Variants in BUB1 observed in about 807,000 individuals in gnomAD.
BUB1 encodes BUB1 mitotic checkpoint serine/threonine kinase.
BUB1 carries 84 observed loss-of-function variants against 135.2 expected under a neutral mutation model. The observed-to-expected ratio is 0.62, with a 90% CI of 0.52 to 0.74. The LOEUF is 0.74. BUB1 is among the 30% of genes least tolerant of loss of function. The pLI, the probability that BUB1 is intolerant of heterozygous loss-of-function variation, is 0.00. For synonymous variants in BUB1, 403 were observed against 434.4 expected (o/e 0.93, Z 0.90); for missense variants, 1,162 against 1,288.3 (o/e 0.90, Z 1.50).
chr2:110,661,719 A>C lies in BUB1; in HGVS notation c.1080T>G (p.Pro360=), dbSNP rs1260039107. The change falls in exon 10 of 25, where the codon CCT becomes CCG. Residue 360 remains proline, a synonymous_variant. Coordinates refer to ENST00000302759, the MANE Select transcript of BUB1 (RefSeq NM_004336.5). ...TAGCATTTGCCAAAGGAGGAACAAC[A>C]GGAGGTGCCTCTCTTGGGTTCTTTT... ...NMEKNPREAP[P]VVPPLANAIS... is the part of the protein sequence containing the mutation. The C allele has an allele frequency of 5.0e-6, 8 of 1,614,116 alleles. No individual in the cohort carries two copies. The South Asian group carries it at 8.8e-5, about 18-fold the overall frequency.
intron 18 of BUB1, 120 bp from the exon 19 acceptor site, chr2:110,649,497 A>T (rs921586760): frequency 4.2e-6 from 4 of 949,824 alleles, no homozygotes; most frequent in Non-Finnish European, 4.5e-6. Context: ...TCAAAGCCTT[A>T]TAAGAGTATT....
At chr2:110,668,854 T>C (rs1277848182) in intron 6 of BUB1, among the ~76,000 whole-genome samples, 1 of 152,164 alleles carries the variant, frequency 6.6e-6, no homozygotes, top group Non-Finnish European at 1.5e-5. Flanking sequence ...TTGAAGTTCC[T>C]GAGAGAGAGG....
rs773682232 is a variant in BUB1 at position 110,641,803 on chromosome 2, C to T, written c.2464G>A (p.Val822Ile). 1.9e-6 allele frequency: 3 copies of T among 1,602,128 alleles called. No individual in the cohort carries two copies. The highest frequency in any genetic ancestry group is 2.2e-5 in the South Asian group (2 of 90,410). Reference protein sequence around the residue: ...AKNKQKFVLKVQKPANPWEFY... With the variant: ...AKNKQKFVLKIQKPANPWEFY... ...TCCCAGGGGTTGGCAGGCTTTTGGA[C>T]CTGCAAATCAGGTATGTGAAATTCA... The change falls in exon 21 of 25, where the codon GTC becomes ATC. Residue 822 changes from valine to isoleucine, a missense_variant and splice_region_variant. By Grantham distance (29) the Val-to-Ile change is conservative. Coordinates refer to ENST00000302759, the MANE Select transcript of BUB1 (RefSeq NM_004336.5).
chr2:110,639,849 C>G lies in BUB1; in HGVS notation c.2956-1G>C. 6.2e-7 allele frequency: 1 copy of G among 1,609,764 alleles called. No individual in the cohort carries two copies. The highest frequency in any genetic ancestry group is 2.2e-5 in the East Asian group (1 of 44,862). On this transcript the variant is annotated splice_acceptor_variant, in intron 23 of 24. Transcript: ENST00000302759. LOFTEE classifies it high-confidence loss of function. The stretch of plus-strand genomic sequence containing the variant: ...TTGCAGCAACCCCAAAGTAATCGAT[C>G]TATGAAGAAGATAGAGGTATATATG...
At chr2:110,647,433 CTT>C (rs1488573383) in intron 19 of BUB1, among the ~76,000 whole-genome samples, 1 of 152,040 alleles carries the variant, frequency 6.6e-6, no homozygotes, top group East Asian at 1.9e-4. Flanking sequence ...TAGTTCAACA[CTT>C]AATTAATTAA....
At chr2:110,642,376 G>T in intron 19 of BUB1, 142 bp from the exon 20 acceptor site, 1 of 503,046 alleles carries the variant, frequency 2.0e-6, no homozygotes, top group Non-Finnish European at 3.6e-6. Flanking sequence ...ACATAACCAT[G>T]GTATATTTGT....
At chr2:110,652,206 C>T (rs1466403432) in intron 17 of BUB1, among the ~76,000 whole-genome samples, 3 of 152,080 alleles carry the variant, frequency 2.0e-5, no homozygotes, top group Non-Finnish European at 4.4e-5. Flanking sequence ...ATTTACAGAA[C>T]GCAGAGTGAT....
At chr2:110,672,914 G>C (rs1690462622) in intron 3 of BUB1, 57 bp from the exon 4 acceptor site, 2 of 1,466,288 alleles carry the variant, frequency 1.4e-6, no homozygotes, top group African/African-American at 1.4e-5. Context: ...GTCTATGTCT[G>C]GTGAGGAGTT....
At chr2:110,664,574 CCTT>C (rs1425610779) in intron 9 of BUB1, among the ~76,000 whole-genome samples, 2 of 144,754 alleles carry the variant, frequency 1.4e-5, no homozygotes, top group African/African-American at 5.2e-5. Context: ...GCTGCTGTTG[CCTT>C]TTTTTTTTTT....
intron 6 of BUB1, 34 bp from the exon 7 acceptor site, chr2:110,667,883 TATCTG>T (rs1405546266): frequency 2.5e-6 from 4 of 1,598,726 alleles, no homozygotes; most frequent in Non-Finnish European, 3.4e-6. Context: ...AGCATTCACT[TATCTG>T]AGAAGAAAGC....
chr2:110,669,935 G>A (rs1690371053), intron 5 of BUB1, among the ~76,000 whole-genome samples: 1 of 151,588 alleles, frequency 6.6e-6, no homozygotes, highest in South Asian at 2.1e-4. Context: ...TAAGTATTTT[G>A]GTCAATTTTG....
chr2:110,642,755 G>A (rs1689538681), intron 19 of BUB1: 1 of 152,574 alleles, frequency 6.6e-6, no homozygotes, highest in Non-Finnish European at 1.5e-5. Flanking sequence ...GCTGTGGCAA[G>A]GTAATAGCTC....
rs1004883434 is a variant in BUB1 at position 110,667,805 on chromosome 2, C to T, written c.612G>A (p.Glu204=). ...SGVISSACDK[E]SNMERRVITI... is the part of the protein sequence containing the mutation. ...GCACTGATTATACTTGCATATTTGA[C>T]TCTTTATCACAAGCTGAAGATATCA... Residue 204 remains glutamate (E), a synonymous_variant, in exon 7 of 25, where the codon GAG becomes GAA. Coordinates refer to ENST00000302759, the MANE Select transcript of BUB1 (RefSeq NM_004336.5). 3 of 1,613,202 alleles carry T rather than the reference C, an allele frequency of 1.9e-6. No homozygotes were observed. The highest frequency in any genetic ancestry group is 2.5e-6 in the Non-Finnish European group (3 of 1,179,810).
intron 14 of BUB1, 70 bp downstream of exon 14, chr2:110,657,476 C>T: frequency 8.6e-7 from 1 of 1,168,232 alleles, no homozygotes; most frequent in Non-Finnish European, 1.2e-6. Flanking sequence ...ATTCTCTCCT[C>T]ACCACCCCAC....
intron 6 of BUB1, among the ~76,000 whole-genome samples, chr2:110,668,774 T>C (rs189938955): frequency 6.6e-6 from 1 of 152,240 alleles, no homozygotes; most frequent in East Asian, 1.9e-4. Context: ...TGCAGTTACA[T>C]TTATTGGTTG....
chr2:110,660,076 T>A, intron 10 of BUB1, 40 bp from the exon 11 acceptor site: 1 of 1,561,388 alleles, frequency 6.4e-7, no homozygotes, highest in Non-Finnish European at 8.8e-7. Context: ...GAGAATAAAA[T>A]GCTTGATCTA....
At chr2:110,675,248 T>A (rs186006706) in intron 1 of BUB1, 1 of 152,302 alleles carries the variant, frequency 6.6e-6, no homozygotes, top group East Asian at 1.9e-4. Context: ...TAATGTCAGG[T>A]TACATTAAGT....
In BUB1 at chr2:110,661,998, T is replaced by C. The variant is rs1051158138; in HGVS notation, c.958-157A>G. On this transcript the variant is annotated intron_variant, in intron 9 of 24. Transcript: ENST00000302759. ...CTCCTTCTTCAAGCATTCTGAAATGTACAGTCAACAACAAAAAGACCACTC... is the reference window on the plus strand; with the variant it reads ...CTCCTTCTTCAAGCATTCTGAAATGCACAGTCAACAACAAAAAGACCACTC... 7.9e-5 allele frequency: 67 copies of C among 852,936 alleles called. No homozygotes were observed. In the Middle Eastern group the frequency reaches 2.3e-3, roughly 30 times the overall value. The allele number at this position is 852,936 out of a possible 1,614,324, so 52.8% of individuals were successfully genotyped here. A position where few individuals can be genotyped will look rare whatever the true frequency, so the allele number is the denominator to read the frequency against.
chr2:110,642,341 C>G, intron 19 of BUB1, 107 bp from the exon 20 acceptor site: 1 of 646,734 alleles, frequency 1.5e-6, no homozygotes, highest in Non-Finnish European at 2.6e-6. Flanking sequence ...TACTTCGCAT[C>G]CACTGTCTGC....
Sources: allele counts gnomAD v4.1 joint callset (sites outside exome capture counted in the v4.1 genomes callset), GRCh38; gene constraint gnomAD v4.1.1; transcripts MANE v1.5; gene names NCBI Gene and HGNC (gene_info 2026-07-23, HGNC 2026-07-21).